Variants in EXOC6B observed in about 807,000 individuals in gnomAD.
EXOC6B encodes the protein SEC15 homolog B.
Under a neutral mutation model 113.5 loss-of-function variants are expected in EXOC6B, and 54 were observed. That is an observed-to-expected ratio of 0.48 (90% confidence interval 0.38 to 0.60). The LOEUF (loss-of-function observed/expected upper bound fraction) is 0.60, where lower values mean the gene tolerates loss of function less well. EXOC6B is among the 20% of genes least tolerant of loss of function. The pLI is 0.00. For synonymous variants in EXOC6B, 357 were observed against 339.0 expected, an observed-to-expected ratio of 1.05 and a Z score of -0.58; for missense variants, 797 against 977.5, an observed-to-expected ratio of 0.82 and a Z score of 2.46.
chr2:72,518,623 A>G (rs1442513803), intron 8 of EXOC6B, among the ~76,000 whole-genome samples: 2 of 152,066 alleles, frequency 1.3e-5, no homozygotes, highest in Non-Finnish European at 2.9e-5. Flanking sequence ...AGAAAGGGAA[A>G]AAAGTGTTCC....
At chr2:72,725,547 A>T (rs1680247373) in intron 5 of EXOC6B, among the ~76,000 whole-genome samples, 1 of 151,880 alleles carries the variant, frequency 6.6e-6, no homozygotes, top group African/African-American at 2.4e-5. Flanking sequence ...ACAGACCACC[A>T]CACCCGCCTC....
At chr2:72,696,277 A>C (rs1677872005) in intron 6 of EXOC6B, among the ~76,000 whole-genome samples, 1 of 152,212 alleles carries the variant, frequency 6.6e-6, no homozygotes, top group African/African-American at 2.4e-5. Context: ...ACATGTACAA[A>C]ATGGACAAAT....
At chr2:72,695,343 C>T (rs561425936) in intron 6 of EXOC6B, among the ~76,000 whole-genome samples, 5 of 152,232 alleles carry the variant, frequency 3.3e-5, no homozygotes, top group South Asian at 2.1e-4. Flanking sequence ...AGCAAATTCA[C>T]GTACATCAGG....
At chr2:72,651,073 C>A (rs748504308) in intron 6 of EXOC6B, among the ~76,000 whole-genome samples, 70 of 152,136 alleles carry the variant, frequency 4.6e-4, no homozygotes, top group Non-Finnish European at 7.9e-4. Flanking sequence ...CAGTCAATAA[C>A]AGCAATAAAG....
intron 6 of EXOC6B, among the ~76,000 whole-genome samples, chr2:72,599,660 GA>G (rs576418805): frequency 9.0e-4 from 131 of 146,308 alleles, no homozygotes; most frequent in African/African-American, 2.4e-3. Flanking sequence ...ATCACAAGGG[GA>G]AAAAAAAAAG....
At chr2:72,769,466 A>G (rs1683284530) in intron 1 of EXOC6B, among the ~76,000 whole-genome samples, 1 of 152,210 alleles carries the variant, frequency 6.6e-6, no homozygotes, top group Non-Finnish European at 1.5e-5. Flanking sequence ...AATTTATATT[A>G]TACTCTGAGT....
At chr2:72,570,074 G>A (rs1704427229) in intron 7 of EXOC6B, among the ~76,000 whole-genome samples, 1 of 152,048 alleles carries the variant, frequency 6.6e-6, no homozygotes, top group Non-Finnish European at 1.5e-5. Flanking sequence ...TGGAGACTGG[G>A]CCTTTAAAGA....
rs771505655 is a variant in EXOC6B, at chr2:72,730,991, TA to T, written c.464+15del. 3.5e-4 allele frequency: 528 copies of T among 1,495,634 alleles called. No homozygotes were observed. The highest frequency in any genetic ancestry group is 5.0e-4 in the South Asian group (38 of 75,810). 92.6% of individuals were successfully genotyped at this position (1,495,634 alleles called of 1,614,324 possible). On this transcript the variant is annotated intron_variant, in intron 5 of 21. Coordinates refer to ENST00000272427, the MANE Select transcript of EXOC6B (RefSeq NM_015189.3). ...TTTTAGATAGTAAAAACTGTTCGAT[TA>T]AAAAAAAATCTTACCTTTTAGTTTT...
chr2:72,365,456 G>C (rs1417295205), intron 19 of EXOC6B, among the ~76,000 whole-genome samples: 1 of 152,156 alleles, frequency 6.6e-6, no homozygotes, highest in Non-Finnish European at 1.5e-5. Flanking sequence ...ACTGAGAGCA[G>C]GAGAGCAAGC....
chr2:72,216,714 T>C (rs1171779352), intron 20 of EXOC6B, among the ~76,000 whole-genome samples: 1 of 152,136 alleles, frequency 6.6e-6, no homozygotes, highest in African/African-American at 2.4e-5. Context: ...TGGAAAACTA[T>C]GCAGTCATAA....
intron 20 of EXOC6B, among the ~76,000 whole-genome samples, chr2:72,259,946 G>A (rs1390408683): frequency 1.3e-5 from 2 of 152,140 alleles, no homozygotes; most frequent in Admixed American, 6.6e-5. Flanking sequence ...CAGCTACTCA[G>A]GAGGCTGAGG....
chr2:72,749,537 CTACTTT>C (rs772595546), intron 1 of EXOC6B, among the ~76,000 whole-genome samples: 3 of 151,792 alleles, frequency 2.0e-5, no homozygotes, highest in Non-Finnish European at 4.4e-5. Flanking sequence ...AGTTTTGCCA[CTACTTT>C]TAATGTTTGC....
chr2:72,572,484 T>C (rs1261543841), intron 7 of EXOC6B, among the ~76,000 whole-genome samples: 3 of 152,248 alleles, frequency 2.0e-5, no homozygotes, highest in African/African-American at 7.2e-5. Flanking sequence ...AGAATATATG[T>C]ACGTTTTACT....
chr2:72,421,264 A>C (rs1694852431), intron 18 of EXOC6B, among the ~76,000 whole-genome samples: 2 of 152,280 alleles, frequency 1.3e-5, no homozygotes, highest in South Asian at 4.1e-4. Context: ...AATAGCCTTA[A>C]GTCTATTTCT....
intron 6 of EXOC6B, among the ~76,000 whole-genome samples, chr2:72,638,232 G>A (rs1225960150): frequency 6.6e-6 from 1 of 152,158 alleles, no homozygotes; most frequent in East Asian, 1.9e-4. Flanking sequence ...GCAACTATAT[G>A]CTGATAAATT....
chr2:72,646,886 G>C (rs542405895), intron 6 of EXOC6B, among the ~76,000 whole-genome samples: 1 of 152,186 alleles, frequency 6.6e-6, no homozygotes, highest in Non-Finnish European at 1.5e-5. Flanking sequence ...TTTGAAAACT[G>C]CCACAAGACA....
intron 18 of EXOC6B, among the ~76,000 whole-genome samples, chr2:72,407,522 A>G (rs1693861669): frequency 6.6e-6 from 1 of 152,224 alleles, no homozygotes; most frequent in East Asian, 1.9e-4. Context: ...CACCACGATC[A>G]AGTGGGCTTC....
At chr2:72,610,049 G>C (rs1338026075) in intron 6 of EXOC6B, among the ~76,000 whole-genome samples, 2 of 152,074 alleles carry the variant, frequency 1.3e-5, no homozygotes, top group African/African-American at 2.4e-5. Context: ...CACATCCTTA[G>C]GTGAACGAAC....
chr2:72,677,129 C>A (rs1193830979), intron 6 of EXOC6B, among the ~76,000 whole-genome samples: 1 of 152,154 alleles, frequency 6.6e-6, no homozygotes, highest in South Asian at 2.1e-4. Flanking sequence ...CCCTAAGATT[C>A]AGCCATACAG....
Sources: allele counts gnomAD v4.1 joint callset (sites outside exome capture counted in the v4.1 genomes callset), GRCh38; gene constraint gnomAD v4.1.1; transcripts MANE v1.5; gene names NCBI Gene and HGNC (gene_info 2026-07-23, HGNC 2026-07-21).